PEG3: variants seen among roughly 807,000 people sequenced by gnomAD.
The protein encoded by PEG3 is paternally-expressed gene 3 protein.
A neutral mutation model predicts 35.5 loss-of-function variants in PEG3; 23 were observed. That is an observed-to-expected ratio of 0.65 (90% CI 0.47 to 0.92). PEG3 has a LOEUF of 0.92. Among genes scored for constraint, PEG3 ranks in the 40% least tolerant of loss-of-function variants. The probability of loss-of-function intolerance (pLI) is 0.00; values close to 1 mark genes in which losing one functional copy is unlikely to be tolerated. For missense variants in PEG3, 1,960 were observed against 1,985.3 expected (o/e 0.99, Z 0.24); for synonymous variants, 707 against 697.0 (o/e 1.01, Z -0.23).
intron 1 of PEG3, among the ~76,000 whole-genome samples, chr19:56,838,197 G>T (rs924234122): frequency 2.0e-5 from 3 of 152,206 alleles, no homozygotes; most frequent in Admixed American, 6.5e-5. Flanking sequence ...TCAAACCAGT[G>T]CCTGTGTAAC....
intron 8 of PEG3, 30 bp downstream of exon 8, chr19:56,818,570 T>G (rs1404375960): frequency 1.2e-6 from 2 of 1,612,258 alleles, no homozygotes; most frequent in African/African-American, 2.7e-5. Flanking sequence ...ATGACTGGAC[T>G]GGGAGTGACT....
In PEG3 at chr19:56,813,375, T is replaced by G. The variant is rs2059675230; in HGVS notation, c.*300A>C. ...TACACAAGTGTCATTTACAGTTGATTTGGGCAAACTCTGTAGTCTGGAATA... is the reference window on the plus strand; with the variant it reads ...TACACAAGTGTCATTTACAGTTGATGTGGGCAAACTCTGTAGTCTGGAATA... On this transcript the variant is annotated 3_prime_UTR_variant, in exon 10 of 10. Transcript: ENST00000326441. 2 of 1,173,878 alleles carry G rather than the reference T, an allele frequency of 1.7e-6. No individual in the cohort carries two copies. Among genetic ancestry groups the G allele is most frequent in the Non-Finnish European group, 2.1e-6 (2 of 947,746 alleles). The allele number at this position is 1,173,878 out of a possible 1,614,324, so 72.7% of individuals were successfully genotyped here. A position where few individuals can be genotyped will look rare whatever the true frequency, so the allele number is the denominator to read the frequency against.
At position 56,810,608 on chromosome 19, in the gene PEG3, T is replaced by C. The variant is rs1278118978; in HGVS notation, c.*3067A>G. On this transcript the variant is annotated 3_prime_UTR_variant, in exon 10 of 10. Coordinates refer to ENST00000326441, the MANE Select transcript of PEG3 (RefSeq NM_006210.3). ...TGGAAAATACATACATAAAATTTATTACCAAAACACCAAAGATTATTTAAG... is the reference window on the plus strand; with the variant it reads ...TGGAAAATACATACATAAAATTTATCACCAAAACACCAAAGATTATTTAAG... The C allele has an allele frequency of 1.1e-6, 1 of 925,784 alleles. No homozygotes were observed. The highest frequency in any genetic ancestry group is 1.8e-5 in the African/African-American group (1 of 56,016). The allele number at this position is 925,784 out of a possible 1,614,324, so 57.3% of individuals were successfully genotyped here.
rs569996160 is a variant in PEG3 at position 56,823,448 on chromosome 19, T to C, written c.481+145A>G. The C allele has an allele frequency of 3.7e-6, 3 of 808,216 alleles. No homozygotes were observed. In the East Asian group the frequency reaches 7.7e-5, roughly 21 times the overall value. The allele number at this position is 808,216 out of a possible 1,614,324, so 50.1% of individuals were successfully genotyped here. A position where few individuals can be genotyped will look rare whatever the true frequency, so the allele number is the denominator to read the frequency against. On this transcript the variant is annotated intron_variant, in intron 5 of 9. Transcript: ENST00000326441. ...TGTCTCATTATGACATCAATTAATT[T>C]ACCCTCTCCTCAGATCTCTGAGTGA...
In PEG3 at chr19:56,840,669, G is replaced by C. The variant is rs561249765; in HGVS notation, c.-337C>G. The C allele has an allele frequency of 1.3e-5, 2 of 153,298 alleles. No homozygotes were observed. Among genetic ancestry groups the C allele is most frequent in the East Asian group, 3.8e-4 (2 of 5,200 alleles). The allele number at this position is 153,298 out of a possible 1,614,324, so 9.5% of individuals were successfully genotyped here. On this transcript the variant is annotated 5_prime_UTR_variant, in exon 1 of 10. Transcript: ENST00000326441. ...GGCGCCCGGCGGCGCCACCAGCCCAGGGTGGACATCTCCCGCGCCTCCCAA... is the reference window on the plus strand; with the variant it reads ...GGCGCCCGGCGGCGCCACCAGCCCACGGTGGACATCTCCCGCGCCTCCCAA...
At position 56,821,686 on chromosome 19, in the gene PEG3, C is replaced by T. The variant is rs371055785; in HGVS notation, c.634G>A (p.Asp212Asn). Residue 212 changes from aspartate (D) to asparagine (N), a missense_variant, in exon 7 of 10, where the codon GAC becomes AAC. By Grantham distance (23) the Asp-to-Asn change is conservative. Transcript: ENST00000326441. Reference sequence around the variant, plus strand: ...GACTCATAAGCCCTGGAGTCCCTGTCGTCCTCTCTGTCCATTTCAAAGCTT... The same window carrying T: ...GACTCATAAGCCCTGGAGTCCCTGTTGTCCTCTCTGTCCATTTCAAAGCTT... ...KTSFEMDRED[D>N]RDSRAYESRS... 5.0e-6 allele frequency: 8 copies of T among 1,613,882 alleles called. No individual in the cohort carries two copies. The African/African-American group carries it at 5.3e-5, about 11-fold the overall frequency.
chr19:56,823,231 A>T (rs1297209184), intron 5 of PEG3, among the ~76,000 whole-genome samples: 6 of 152,192 alleles, frequency 3.9e-5, no homozygotes, highest in Non-Finnish European at 7.3e-5. Flanking sequence ...AAAACCCAAG[A>T]AAACAACACA....
rs771097387 is a variant in PEG3 at position 56,823,672 on chromosome 19, G to C, written c.402C>G (p.Asn134Lys). ...CGTCGTCGCTGGTCACGTCACTGTT[G>C]TTGTCGTCTAAGAGGACACCGGTCG... ...YKEMYQPEDD[N>K]NSDVTSDDDM... is the part of the protein sequence containing the mutation. The change falls in exon 5 of 10, where the codon AAC becomes AAG. Residue 134 changes from asparagine to lysine, a missense_variant. Around this residue, in one of 5 missense-constraint regions of PEG3, gnomAD observed 613 missense variants for 577.1 expected, o/e 1.06. Coordinates refer to ENST00000326441, the MANE Select transcript of PEG3 (RefSeq NM_006210.3). The C allele has an allele frequency of 3.6e-5, 58 of 1,614,034 alleles. No individual in the cohort carries two copies. The highest frequency in any genetic ancestry group is 4.7e-5 in the Non-Finnish European group (56 of 1,180,038).
intron 1 of PEG3, 25 bp from the exon 2 acceptor site, chr19:56,836,129 AC>A: frequency 2.2e-6 from 1 of 455,154 alleles, no homozygotes; most frequent in Non-Finnish European, 4.4e-6. Context: ...AAAATGTGAG[AC>A]GCCAAGTTTA....
Position 56,822,833 on chromosome 19 carries a change from TC to T in PEG3, c.484del (p.Asp162ThrfsTer108). 6.2e-7 allele frequency: 1 copy of T among 1,613,452 alleles called. No homozygotes were observed. Among genetic ancestry groups the T allele is most frequent in the Non-Finnish European group, 8.5e-7 (1 of 1,179,746 alleles). On this transcript the variant is annotated frameshift_variant and splice_region_variant, in exon 6 of 10. Transcript: ENST00000326441. LOFTEE classifies it high-confidence loss of function. ...SPPHSVHSFS[D>X]RDWDRRGRSR... ...TCTGCCCCTCCGGTCCCAGTCCCGG[TC>T]ACCTAAGCAGGTGAGACATTCCAGT... is the stretch of plus-strand genomic sequence containing the variant.
intron 8 of PEG3, among the ~76,000 whole-genome samples, chr19:56,818,240 C>T (rs1012977356): frequency 3.3e-5 from 5 of 152,168 alleles, no homozygotes; most frequent in African/African-American, 1.2e-4. Context: ...CTGCCCACTA[C>T]CAACTTGGGC....
At chr19:56,828,224 A>T (rs775527006) in intron 2 of PEG3, among the ~76,000 whole-genome samples, 1 of 152,144 alleles carries the variant, frequency 6.6e-6, no homozygotes, top group Non-Finnish European at 1.5e-5. Context: ...GTCATACCCT[A>T]ACCTGGCCAT....
At chr19:56,818,959 G>A (rs1433662160) in intron 7 of PEG3, among the ~76,000 whole-genome samples, 1 of 152,174 alleles carries the variant, frequency 6.6e-6, no homozygotes, top group Non-Finnish European at 1.5e-5. Flanking sequence ...TGGTTGGAGA[G>A]AAAAGACTCA....
At chr19:56,833,604 A>C (rs947858468) in intron 2 of PEG3, 1 of 184,814 alleles carries the variant, frequency 5.4e-6, no homozygotes, top group African/African-American at 2.4e-5. Context: ...TCAGATGTGC[A>C]GAAGAGTTGC....
Position 56,816,944 on chromosome 19 carries a change from C to G in PEG3, c.1498G>C (p.Val500Leu), listed in dbSNP as rs2060035441. The stretch of plus-strand genomic sequence containing the variant: ...TTACATTCAAAACGTTTCCCTCCAA[C>G]CTGACTTTTCTGAACTTCACTGACA... ...VAVSEVQKSQVGGKRFECKDC... is the reference protein window; with the variant it reads ...VAVSEVQKSQLGGKRFECKDC... Residue 500 changes from valine to leucine, a missense_variant, in exon 10 of 10, where the codon GTT becomes CTT. Physicochemically the swap from Val to Leu is conservative, Grantham distance 32 (BLOSUM62 1). Around this residue, in one of 5 missense-constraint regions of PEG3, gnomAD observed 798 missense variants for 782.4 expected, o/e 1.02. Coordinates refer to ENST00000326441, the MANE Select transcript of PEG3 (RefSeq NM_006210.3). 1.2e-6 allele frequency: 2 copies of G among 1,614,094 alleles called. No homozygotes were observed. Among genetic ancestry groups the G allele is most frequent in the Non-Finnish European group, 1.7e-6 (2 of 1,180,042 alleles).
In PEG3 at chr19:56,815,494, T is replaced by A. The variant is rs10412932; in HGVS notation, c.2948A>T (p.Asp983Val). 2 of 1,614,030 alleles carry A rather than the reference T, an allele frequency of 1.2e-6. No homozygotes were observed. Among genetic ancestry groups the A allele is most frequent in the East Asian group, 4.5e-5 (2 of 44,864 alleles). The change falls in exon 10 of 10, where the codon GAC becomes GTC. Residue 983 changes from aspartate to valine, a missense_variant. Asp to Val is a radical substitution (Grantham distance 152). Around this residue, in one of 5 missense-constraint regions of PEG3, gnomAD observed 798 missense variants for 782.4 expected, o/e 1.02. Transcript: ENST00000326441. ...ECGECFAHSS[D>V]LTEHQKIHDR... ...ATGAATCTTCTGGTGCTCAGTGAGGTCAGAGCTATGAGCAAAGCACTCCCC... is the reference window on the plus strand; with the variant it reads ...ATGAATCTTCTGGTGCTCAGTGAGGACAGAGCTATGAGCAAAGCACTCCCC...
chr19:56,816,307 A>C lies in PEG3; in HGVS notation c.2135T>G (p.Leu712Arg). 1 of 1,614,094 alleles carries C rather than the reference A, an allele frequency of 6.2e-7. No homozygotes were observed. The highest frequency in any genetic ancestry group is 8.5e-7 in the Non-Finnish European group (1 of 1,179,972). The change falls in exon 10 of 10, where the codon CTC becomes CGC. Residue 712 changes from leucine (L) to arginine (R), a missense_variant. This residue lies in a region of PEG3 where 798 missense variants were observed against 782.4 expected (regional missense o/e 1.02). Transcript: ENST00000326441. ...TTTCTCATACCCTCTGCCTTCAAAG[A>C]GGTTCTTTCGAGAATGAATTTTCTG... The part of the protein sequence containing the change: ...EHQKIHSRKN[L>R]FEGRGYEKSV...
At chr19:56,824,822 G>A (rs901127822) in intron 3 of PEG3, 81 bp from the exon 4 acceptor site, 11 of 634,936 alleles carry the variant, frequency 1.7e-5, no homozygotes, top group East Asian at 5.5e-5. Flanking sequence ...CAGAGGCATC[G>A]ACAATGCTTT....
Position 56,818,028 on chromosome 19 carries a change from A to G in PEG3, c.773-193T>C, listed in dbSNP as rs185639875. Among the ~76,000 whole-genome samples the G allele has an allele frequency of 2.4e-3, 358 of 152,304 alleles. 3 individuals carry two copies. The highest frequency in any genetic ancestry group is 7.6e-3 in the African/African-American group (316 of 41,574). On this transcript the variant is annotated intron_variant, in intron 8 of 9. Coordinates refer to ENST00000326441, the MANE Select transcript of PEG3 (RefSeq NM_006210.3). ...CCCTAATCCATTCTAATCTACATGTAATTCTTCTGACTCCACTCAGAAATG... is the reference window on the plus strand; with the variant it reads ...CCCTAATCCATTCTAATCTACATGTGATTCTTCTGACTCCACTCAGAAATG...
Sources: gnomAD v4.1 joint callset for allele counts (sites outside exome capture counted in the v4.1 genomes callset) on GRCh38, gnomAD v4.1.1 for gene constraint, gnomAD v4.1.1 regional missense constraint, MANE v1.5 for transcripts, NCBI Gene and HGNC (gene_info 2026-07-23, HGNC 2026-07-21) for gene names.